USP54: variants seen among roughly 807,000 people sequenced by gnomAD.
The protein encoded by USP54 is ubiquitin carboxyl-terminal hydrolase 54.
In USP54, 87 loss-of-function variants were observed where a neutral mutation model predicts 170.5. That is an observed-to-expected ratio of 0.51 (90% CI 0.43 to 0.61). The LOEUF (loss-of-function observed/expected upper bound fraction) is 0.61. USP54 is among the 20% of genes least tolerant of loss of function. The probability of loss-of-function intolerance (pLI) is 0.00; values close to 1 mark genes in which losing one functional copy is unlikely to be tolerated. For synonymous variants in USP54, 655 were observed against 742.8 expected, an observed-to-expected ratio of 0.88 and a Z score of 1.92; for missense variants, 1,786 against 2,047.8, an observed-to-expected ratio of 0.87 and a Z score of 2.47.
rs372137251 is a variant in USP54 at position 73,521,198 on chromosome 10, T to C, written c.2363-171A>G. ...CTGAAAACAAGCAGGACATCCATTT[T>C]GCCTTAACCAAGATGTTACCAAGGC... On this transcript the variant is annotated intron_variant, in intron 17 of 23. Coordinates refer to ENST00000687698, the MANE Select transcript of USP54 (RefSeq NM_001391956.1). 1.2e-3 allele frequency among the ~76,000 whole-genome samples: 190 copies of C among 152,378 alleles called. 6 individuals are homozygous for C. The South Asian group carries it at 0.038, about 30-fold the overall frequency.
upstream of USP54, chr10:73,591,472 A>G (rs1385190030): frequency 6.6e-6 from 1 of 152,250 alleles, no homozygotes; most frequent in Non-Finnish European, 1.5e-5. Flanking sequence ...GCAGAACAGG[A>G]TATCAGAGAG....
intron 1 of USP54, among the ~76,000 whole-genome samples, chr10:73,602,895 T>C (rs1451529312): frequency 6.4e-5 from 9 of 141,422 alleles, no homozygotes; most frequent in Admixed American, 4.3e-4. Context: ...ATAATAGTGG[T>C]ACAAAATATC....
rs752485943 is a variant in USP54, at chr10:73,504,911, C to A, written c.4250G>T (p.Arg1417Leu). ...TGAGACAACGGTGCCACTGAGACTG[C>A]GTGAGATGCGACGTAAATTCTCTGC... ...YSAENLRRIS[R>L]SLSGTVVSER... Residue 1417 changes from arginine (R) to leucine (L), a missense_variant, in exon 22 of 24, where the codon CGC becomes CTC. Physicochemically the swap from Arg to Leu is moderately radical, Grantham distance 102 (BLOSUM62 -2). Around this residue, in one of 3 missense-constraint regions of USP54, gnomAD observed 1,418 missense variants for 1,569.0 expected, o/e 0.90. Transcript: ENST00000687698. 20 of 1,613,990 alleles carry A rather than the reference C, an allele frequency of 1.2e-5. No individual in the cohort carries two copies. The highest frequency in any genetic ancestry group is 9.3e-5 in the African/African-American group (7 of 74,898).
At chr10:73,527,707 C>T (rs2063171571) in intron 15 of USP54, among the ~76,000 whole-genome samples, 1 of 151,194 alleles carries the variant, frequency 6.6e-6, no homozygotes, top group African/African-American at 2.4e-5. Context: ...AAAATAAAAA[C>T]TATCCCACCA....
intron 4 of USP54, among the ~76,000 whole-genome samples, chr10:73,554,944 C>T (rs1350186254): frequency 1.3e-5 from 2 of 151,480 alleles, no homozygotes; most frequent in African/African-American, 2.4e-5. Flanking sequence ...CTTGTCTCTA[C>T]AAAAAAAAAT....
chr10:73,509,230 C>T (rs187053340), intron 20 of USP54, among the ~76,000 whole-genome samples: 397 of 149,948 alleles, frequency 2.6e-3, no homozygotes, highest in African/African-American at 8.6e-3. Flanking sequence ...ACTGAGAAAA[C>T]TGGAATATTG....
intron 1 of USP54, among the ~76,000 whole-genome samples, chr10:73,602,855 C>CAA (rs60433926): frequency 0.029 from 1,184 of 40,780 alleles, 50 homozygotes; most frequent in African/African-American, 0.065. Context: ...GACTCTGTCT[C>CAA]AAAAAAAAAA....
At chr10:73,602,280 C>T (rs1029493669) in intron 1 of USP54, among the ~76,000 whole-genome samples, 2 of 152,074 alleles carry the variant, frequency 1.3e-5, no homozygotes, top group South Asian at 2.1e-4. Context: ...TAGCCGGGCA[C>T]GGTGGCTCAT....
intron 16 of USP54, among the ~76,000 whole-genome samples, chr10:73,523,964 A>G (rs1277933817): frequency 1.3e-5 from 2 of 149,764 alleles, no homozygotes; most frequent in Non-Finnish European, 3.0e-5. Flanking sequence ...CTGGAGTGCA[A>G]TGGCGCAATC....
rs766243683 is a variant in USP54 at position 73,530,729 on chromosome 10, G to A, written c.1422C>T (p.Pro474=). ...CTTCACTGTGGTATCCCGAGGCCTGGGGCTCATCGCCTTTCCTCCTAACCC... is the reference window on the plus strand; with the variant it reads ...CTTCACTGTGGTATCCCGAGGCCTGAGGCTCATCGCCTTTCCTCCTAACCC... ...SGRVRRKGDE[P]QASGYHSEGE... is the part of the protein sequence containing the mutation. The change falls in exon 13 of 24, where the codon CCC becomes CCT. Residue 474 remains proline, a synonymous_variant. Coordinates refer to ENST00000687698, the MANE Select transcript of USP54 (RefSeq NM_001391956.1). 2.5e-6 allele frequency: 4 copies of A among 1,614,140 alleles called. No homozygotes were observed. The highest frequency in any genetic ancestry group is 2.5e-6 in the Non-Finnish European group (3 of 1,180,020).
At chr10:73,559,190 A>G (rs2072107856) in intron 4 of USP54, among the ~76,000 whole-genome samples, 1 of 151,574 alleles carries the variant, frequency 6.6e-6, no homozygotes, top group Admixed American at 6.6e-5. Context: ...GGAGGCCAAG[A>G]CAGGTGGATC....
Position 73,514,303 on chromosome 10 carries a change from G to C in USP54, c.4051+2072C>G, listed in dbSNP as rs528151740. Reference sequence around the variant, plus strand: ...TGTGGCCTGGCACGGTGGCTCACGTGTATAATCCCTGCACTTTGGGAGGCC... The same window carrying C: ...TGTGGCCTGGCACGGTGGCTCACGTCTATAATCCCTGCACTTTGGGAGGCC... On this transcript the variant is annotated intron_variant, in intron 20 of 23. Coordinates refer to ENST00000687698, the MANE Select transcript of USP54 (RefSeq NM_001391956.1). 1.8e-3 allele frequency among the ~76,000 whole-genome samples: 277 copies of C among 151,674 alleles called. 1 individual carries two copies. Among genetic ancestry groups the C allele is most frequent in the African/African-American group, 5.9e-3 (243 of 41,360 alleles).
intron 15 of USP54, chr10:73,529,472 CTG>C (rs1197068364): frequency 3.6e-5 from 23 of 634,864 alleles, no homozygotes; most frequent in Non-Finnish European, 5.9e-5. Flanking sequence ...TACATGATAA[CTG>C]TATTTCAAAT....
chr10:73,569,895 T>A (rs2074697460), intron 4 of USP54, among the ~76,000 whole-genome samples: 1 of 64,360 alleles, frequency 1.6e-5, no homozygotes. Flanking sequence ...GAGCAAGATT[T>A]CATCTCCAAA....
At chr10:73,562,032 T>C (rs990614266) in intron 4 of USP54, among the ~76,000 whole-genome samples, 78 of 151,444 alleles carry the variant, frequency 5.2e-4, no homozygotes, top group Non-Finnish European at 1.0e-4. Flanking sequence ...ACCTAGGAGG[T>C]AGAGGTTGCA....
intron 1 of USP54, among the ~76,000 whole-genome samples, chr10:73,608,341 A>G (rs1009221937): frequency 2.0e-5 from 3 of 152,188 alleles, no homozygotes; most frequent in African/African-American, 7.2e-5. Context: ...TTATACCAAC[A>G]TAACCAAAAT....
intron 20 of USP54, 27 bp downstream of exon 20, chr10:73,516,347 TC>T: frequency 1.3e-6 from 2 of 1,517,274 alleles, no homozygotes; most frequent in Non-Finnish European, 1.8e-6. Flanking sequence ...TCCTCCCCCC[TC>T]CCCCCAACCC....
At chr10:73,621,617 AAAC>A in intron 1 of USP54, among the ~76,000 whole-genome samples, 1 of 151,888 alleles carries the variant, frequency 6.6e-6, no homozygotes, top group East Asian at 1.9e-4. Context: ...AAAAAAAAAA[AAAC>A]TACTGTATGA....
Position 73,500,663 on chromosome 10 carries a change from C to T in USP54, c.4487G>A (p.Arg1496Lys), listed in dbSNP as rs1208857911. The change falls in exon 23 of 24, where the codon AGA becomes AAA. Residue 1496 changes from arginine (R) to lysine (K), a missense_variant. Transcript: ENST00000687698. ...LMPTMAGEPN[R>K]LPGTSRSVQQ... ...AGATTTGGGGGAGTTACCTGGGAGT[C>T]TATTGGGCTCCCCTGCCATGGTGGG... 6.3e-7 allele frequency: 1 copy of T among 1,597,646 alleles called. No homozygotes were observed. Among genetic ancestry groups the T allele is most frequent in the Non-Finnish European group, 8.5e-7 (1 of 1,173,860 alleles).
Sources: allele counts gnomAD v4.1 joint callset (sites outside exome capture counted in the v4.1 genomes callset), GRCh38; gene constraint gnomAD v4.1.1; regional missense constraint gnomAD v4.1.1; transcripts MANE v1.5; gene names NCBI Gene and HGNC (gene_info 2026-07-23, HGNC 2026-07-21).